Variants in OXSR1 observed in about 807,000 individuals in gnomAD.
OXSR1 encodes the protein serine/threonine-protein kinase OSR1.
OXSR1 carries 24 observed loss-of-function variants against 79.8 expected under a neutral mutation model. That is an observed-to-expected ratio of 0.30 (90% CI 0.22 to 0.42). The LOEUF (loss-of-function observed/expected upper bound fraction) is 0.42. OXSR1 is among the 10% of genes least tolerant of loss of function. The pLI, the probability that OXSR1 is intolerant of heterozygous loss-of-function variation, is 1.00. For missense variants in OXSR1, 430 were observed against 618.4 expected, an observed-to-expected ratio of 0.70 and a Z score of 3.23; for synonymous variants, 226 against 209.2, an observed-to-expected ratio of 1.08 and a Z score of -0.69.
intron 11 of OXSR1, among the ~76,000 whole-genome samples, chr3:38,238,948 C>T (rs1702973520): frequency 6.6e-6 from 1 of 152,072 alleles, no homozygotes; most frequent in African/African-American, 2.4e-5. Context: ...AGTTGTCTCA[C>T]AGCCCACTGT....
At chr3:38,177,779 G>A (rs1701701703) in intron 1 of OXSR1, among the ~76,000 whole-genome samples, 2 of 152,022 alleles carry the variant, frequency 1.3e-5, no homozygotes, top group Admixed American at 1.3e-4. Flanking sequence ...TTAGAGACGG[G>A]GTCTTGCCAT....
chr3:38,171,009 C>A (rs549624880), intron 1 of OXSR1, among the ~76,000 whole-genome samples: 1 of 152,146 alleles, frequency 6.6e-6, no homozygotes, highest in Non-Finnish European at 1.5e-5. Flanking sequence ...CTTCTGGGCT[C>A]AAGTGATCCT....
At chr3:38,240,439 T>C (rs1223413505) in intron 11 of OXSR1, among the ~76,000 whole-genome samples, 2 of 141,390 alleles carry the variant, frequency 1.4e-5, no homozygotes, top group Non-Finnish European at 3.2e-5. Context: ...TTGTAAAGTA[T>C]GTGTGTGAAT....
chr3:38,176,546 ATTATTTTGACAT>A (rs1374357001), intron 1 of OXSR1, among the ~76,000 whole-genome samples: 10 of 152,290 alleles, frequency 6.6e-5, no homozygotes, highest in African/African-American at 2.2e-4. Context: ...ATTGCTGAAG[ATTATTTTGACAT>A]TTGTTTTGGG....
intron 1 of OXSR1, among the ~76,000 whole-genome samples, chr3:38,174,727 A>G (rs1244072822): frequency 3.3e-5 from 5 of 152,130 alleles, no homozygotes; most frequent in African/African-American, 1.2e-4. Context: ...TATTTTTTGA[A>G]GTTAGGAGGA....
chr3:38,173,061 A>C (rs1369149193), intron 1 of OXSR1, among the ~76,000 whole-genome samples: 1 of 152,188 alleles, frequency 6.6e-6, no homozygotes, highest in Non-Finnish European at 1.5e-5. Flanking sequence ...TTCTCTTTTA[A>C]AAGGCTTTCT....
chr3:38,165,995 G>A, intron 1 of OXSR1, 49 bp downstream of exon 1: 1 of 1,542,780 alleles, frequency 6.5e-7, no homozygotes, highest in South Asian at 1.1e-5. Flanking sequence ...GGGAGGCGGG[G>A]GACACGGGAA....
Position 38,253,034 on chromosome 3 carries a change from G to A in OXSR1, c.*143G>A, listed in dbSNP as rs1425866502. 3.2e-6 allele frequency: 2 copies of A among 633,468 alleles called. No individual in the cohort carries two copies. The highest frequency in any genetic ancestry group is 2.9e-5 in the Admixed American group (1 of 34,750). 39.2% of individuals were successfully genotyped at this position (633,468 alleles called of 1,614,324 possible). A position where few individuals can be genotyped will look rare whatever the true frequency, so the allele number is the denominator to read the frequency against. On this transcript the variant is annotated 3_prime_UTR_variant, in exon 18 of 18. Coordinates refer to ENST00000311806, the MANE Select transcript of OXSR1 (RefSeq NM_005109.3). ...CTTTAGAAGTCTTTATGTTCTTCCT[G>A]CCATCATTCCTCCTTTTCCCACAGG... is the stretch of plus-strand genomic sequence containing the variant.
At position 38,235,048 on chromosome 3, in the gene OXSR1, CAG is replaced by C. The variant is rs144672059; in HGVS notation, c.952-1789_952-1788del. Among the ~76,000 whole-genome samples the C allele has an allele frequency of 7.1e-3, 1,079 of 152,220 alleles. 18 individuals carry two copies. The highest frequency in any genetic ancestry group is 0.025 in the African/African-American group (1,034 of 41,540). On this transcript the variant is annotated intron_variant, in intron 10 of 17. Transcript: ENST00000311806. Reference sequence around the variant, plus strand: ...TTGAAAATAGGCAAATGTAAAGAGACAGAAAGTAGATTAGTGGTAACTTAGGA... The same window carrying C: ...TTGAAAATAGGCAAATGTAAAGAGACAAAGTAGATTAGTGGTAACTTAGGA...
At position 38,231,773 on chromosome 3, in the gene OXSR1, T is replaced by C. The variant is rs370848284; in HGVS notation, c.951+1343T>C. Among the ~76,000 whole-genome samples, 82 of 152,274 alleles carry C rather than the reference T, an allele frequency of 5.4e-4. 1 individual carries two copies. In the South Asian group the frequency reaches 0.016, roughly 30 times the overall value. On this transcript the variant is annotated intron_variant, in intron 10 of 17. Transcript: ENST00000311806. ...TTATTATTGTTTATAATAAATCCCA[T>C]CTGAGATACGTGTTGATTTATATCT...
In OXSR1 at chr3:38,246,164, T is replaced by C; in HGVS notation, c.1200T>C (p.Ala400=). The change falls in exon 13 of 18, where the codon GCT becomes GCC. Residue 400 remains alanine, a synonymous_variant. Transcript: ENST00000311806. The part of the protein sequence containing the change: ...AHLPQPAGQI[A]TQPTQVSLPP... ...TACCTCAGCCAGCTGGGCAGATTGC[T>C]ACACAGCCAACTCAAGTCTCTCTCC... 2.5e-6 allele frequency: 4 copies of C among 1,613,850 alleles called. No individual in the cohort carries two copies. The highest frequency in any genetic ancestry group is 3.4e-6 in the Non-Finnish European group (4 of 1,179,860).
chr3:38,218,922 T>C (rs898891206), intron 5 of OXSR1, among the ~76,000 whole-genome samples: 1 of 152,206 alleles, frequency 6.6e-6, no homozygotes, highest in Non-Finnish European at 1.5e-5. Context: ...TCATTACTTT[T>C]AATCCTGTCA....
intron 4 of OXSR1, among the ~76,000 whole-genome samples, chr3:38,205,188 T>C (rs945663893): frequency 6.6e-6 from 1 of 152,226 alleles, no homozygotes; most frequent in Non-Finnish European, 1.5e-5. Flanking sequence ...AATTCAAGAC[T>C]GTCTTTCCTA....
In OXSR1 at chr3:38,200,037, C is replaced by A. The variant is rs572957849; in HGVS notation, c.434+1174C>A. Among the ~76,000 whole-genome samples the A allele has an allele frequency of 2.0e-5, 3 of 152,290 alleles. No homozygotes were observed. In the South Asian group the frequency reaches 6.2e-4, roughly 32 times the overall value. On this transcript the variant is annotated intron_variant, in intron 4 of 17. Transcript: ENST00000311806. The stretch of plus-strand genomic sequence containing the variant: ...CTGCTGGGTGGAGGGCTAAGAGATG[C>A]CAGCTGTGCTGACTGGTGCTGCTGG...
At chr3:38,192,092 TC>T (rs1701994652) in intron 3 of OXSR1, among the ~76,000 whole-genome samples, 2 of 152,188 alleles carry the variant, frequency 1.3e-5, no homozygotes, top group African/African-American at 4.8e-5. Flanking sequence ...TTTTCCTTTT[TC>T]CAGTTGGGTA....
chr3:38,220,614 A>G (rs909209210), intron 5 of OXSR1, among the ~76,000 whole-genome samples: 4 of 152,242 alleles, frequency 2.6e-5, no homozygotes. Context: ...TAGGAAATAC[A>G]CAGAATAAAA....
chr3:38,173,867 A>G (rs770689900), intron 1 of OXSR1, among the ~76,000 whole-genome samples: 2 of 152,230 alleles, frequency 1.3e-5, no homozygotes, highest in Admixed American at 1.3e-4. Context: ...AAGAAGAAAA[A>G]GCAGGGAAAG....
chr3:38,210,374 A>G (rs1312909754), intron 4 of OXSR1, among the ~76,000 whole-genome samples: 4 of 152,144 alleles, frequency 2.6e-5, no homozygotes, highest in Non-Finnish European at 5.9e-5. Context: ...TTAAGCTCTG[A>G]TAAAATAGTT....
intron 1 of OXSR1, among the ~76,000 whole-genome samples, chr3:38,181,130 T>TC (rs898235752): frequency 2.5e-4 from 38 of 151,722 alleles, no homozygotes; most frequent in Non-Finnish European, 4.7e-4. Flanking sequence ...TTTTTTTTTT[T>TC]CCCTAGTCTG....
Sources: allele counts gnomAD v4.1 joint callset (sites outside exome capture counted in the v4.1 genomes callset), GRCh38; gene constraint gnomAD v4.1.1; transcripts MANE v1.5; gene names NCBI Gene and HGNC (gene_info 2026-07-23, HGNC 2026-07-21).